Variants in STAG1 observed in about 807,000 individuals in gnomAD.
STAG1 encodes cohesin subunit SA-1.
Under a neutral mutation model 170.9 loss-of-function variants are expected in STAG1, and 26 were observed. The ratio of observed to expected loss-of-function variants is 0.15; its 90% confidence interval spans 0.11 to 0.21. STAG1 has a LOEUF of 0.21. Among genes scored for constraint, STAG1 ranks in the 10% least tolerant of loss-of-function variants. The pLI, the probability that STAG1 is intolerant of heterozygous loss-of-function variation, is 1.00. For missense variants in STAG1, 964 were observed against 1,509.5 expected (o/e 0.64, Z 5.99); for synonymous variants, 514 against 497.7 (o/e 1.03, Z -0.44).
At chr3:136,608,163 G>A (rs1038445031) in intron 3 of STAG1, among the ~76,000 whole-genome samples, 4 of 152,006 alleles carry the variant, frequency 2.6e-5, no homozygotes, top group Non-Finnish European at 5.9e-5. Flanking sequence ...AGGCTGAGTC[G>A]GGAGAATCGC....
In STAG1 at chr3:136,452,271, C is replaced by T. The variant is rs2088965669; in HGVS notation, c.1314-124G>A. ...AAAAAGGGGGAGCAGGGAGAACGAG[C>T]ATCAGAGATCAGGCCAGGTGCAGAG... On this transcript the variant is annotated intron_variant, in intron 13 of 33. Coordinates refer to ENST00000383202, the MANE Select transcript of STAG1 (RefSeq NM_005862.3). 1.4e-5 allele frequency: 9 copies of T among 640,670 alleles called. No individual in the cohort carries two copies. In the South Asian group the frequency reaches 1.4e-4, roughly 10 times the overall value. 39.7% of individuals were successfully genotyped at this position (640,670 alleles called of 1,614,324 possible). A position where few individuals can be genotyped will look rare whatever the true frequency, so the allele number is the denominator to read the frequency against.
intron 9 of STAG1, among the ~76,000 whole-genome samples, chr3:136,492,223 T>G (rs1272182789): frequency 2.0e-5 from 3 of 152,218 alleles, no homozygotes; most frequent in African/African-American, 4.8e-5. Context: ...GGTCACATTC[T>G]CAACTACACT....
At chr3:136,386,434 TTATCATATAAGCTATATTA>T (rs1255235392) in intron 22 of STAG1, among the ~76,000 whole-genome samples, 4 of 152,134 alleles carry the variant, frequency 2.6e-5, no homozygotes, top group Admixed American at 2.6e-4. Flanking sequence ...GATGGTGAAT[TTATCATATAAGCTATATTA>T]GAAAGAAGCT....
At chr3:136,527,375 T>C (rs1488493677) in intron 6 of STAG1, among the ~76,000 whole-genome samples, 2 of 152,234 alleles carry the variant, frequency 1.3e-5, no homozygotes, top group African/African-American at 4.8e-5. Context: ...TTTCTTCCAG[T>C]TGATCGAATC....
chr3:136,485,403 G>T (rs2089987432), intron 9 of STAG1, among the ~76,000 whole-genome samples: 1 of 152,118 alleles, frequency 6.6e-6, no homozygotes, highest in African/African-American at 2.4e-5. Flanking sequence ...GTTGCAGTAA[G>T]CCGAGATCAC....
chr3:136,611,047 C>CACAT (rs1452360097), intron 3 of STAG1, among the ~76,000 whole-genome samples: 1 of 152,114 alleles, frequency 6.6e-6, no homozygotes, highest in Admixed American at 6.6e-5. Context: ...AGAATATTTG[C>CACAT]ACATACATAA....
intron 9 of STAG1, among the ~76,000 whole-genome samples, chr3:136,494,238 T>C (rs945282947): frequency 6.6e-6 from 1 of 152,138 alleles, no homozygotes; most frequent in Non-Finnish European, 1.5e-5. Flanking sequence ...GCCACTGCAC[T>C]CCAGGCAGGG....
chr3:136,412,401 T>C (rs1244403819), intron 21 of STAG1, among the ~76,000 whole-genome samples: 1 of 152,222 alleles, frequency 6.6e-6, no homozygotes, highest in Admixed American at 6.5e-5. Flanking sequence ...GTACTAAAAC[T>C]ATTATGTCAG....
intron 5 of STAG1, among the ~76,000 whole-genome samples, chr3:136,565,021 G>GGCAGGCAGGCAGGCAC (rs1937007602): frequency 1.0e-5 from 1 of 95,714 alleles, no homozygotes; most frequent in African/African-American, 6.7e-5. Context: ...AAGGCAGGCA[G>GGCAGGCAGGCAGGCAC]GCAGGCAGGC....
intron 29 of STAG1, 25 bp from the exon 30 acceptor site, chr3:136,344,031 A>G: frequency 6.5e-7 from 1 of 1,534,710 alleles, no homozygotes. Context: ...TTAAGGTCAC[A>G]CAATGTCGTG....
intron 5 of STAG1, among the ~76,000 whole-genome samples, chr3:136,565,504 A>G (rs1416064513): frequency 1.3e-5 from 2 of 152,364 alleles, no homozygotes; most frequent in Admixed American, 6.5e-5. Flanking sequence ...TAGGATGGCT[A>G]TAATTTTTAA....
At chr3:136,541,567 CACACACACACACACA>C (rs1935907617) in intron 6 of STAG1, among the ~76,000 whole-genome samples, 1 of 151,616 alleles carries the variant, frequency 6.6e-6, no homozygotes, top group African/African-American at 2.4e-5. Context: ...CACACACACA[CACACACACACACACA>C]CACCAGGGGT....
intron 1 of STAG1, among the ~76,000 whole-genome samples, chr3:136,721,929 T>C (rs1425242337): frequency 7.1e-6 from 1 of 141,142 alleles, no homozygotes; most frequent in African/African-American, 2.7e-5. Context: ...AAAAAAAAAA[T>C]TACACTATGG....
chr3:136,478,366 T>C (rs1047482498), intron 9 of STAG1, among the ~76,000 whole-genome samples: 12 of 152,190 alleles, frequency 7.9e-5, no homozygotes, highest in African/African-American at 2.7e-4. Flanking sequence ...ACTTTCCTAC[T>C]ATACAATCTC....
At chr3:136,655,130 C>G (rs1010920912) in intron 1 of STAG1, among the ~76,000 whole-genome samples, 5 of 152,116 alleles carry the variant, frequency 3.3e-5, no homozygotes, top group African/African-American at 1.2e-4. Flanking sequence ...GAAAAACAGG[C>G]AAACTGGACT....
chr3:136,393,208 C>T (rs1314511037), intron 22 of STAG1, among the ~76,000 whole-genome samples: 1 of 152,052 alleles, frequency 6.6e-6, no homozygotes, highest in Admixed American at 6.5e-5. Flanking sequence ...TATAAAAATC[C>T]CAGTATCTAC....
chr3:136,363,942 A>G lies in STAG1; in HGVS notation c.2686-475T>C, dbSNP rs192907869. 1.6e-3 allele frequency among the ~76,000 whole-genome samples: 241 copies of G among 152,088 alleles called. 2 individuals are homozygous for G. Among genetic ancestry groups the G allele is most frequent in the Non-Finnish European group, 2.9e-3 (200 of 67,976 alleles). The stretch of plus-strand genomic sequence containing the variant: ...CTAATTTTTTTAAAAAATATTTTGT[A>G]GAGATGGGGTTTTTGCCATGTTGCC... On this transcript the variant is annotated intron_variant, in intron 25 of 33. Coordinates refer to ENST00000383202, the MANE Select transcript of STAG1 (RefSeq NM_005862.3).
At chr3:136,618,907 C>G (rs1939717207) in intron 3 of STAG1, among the ~76,000 whole-genome samples, 1 of 151,782 alleles carries the variant, frequency 6.6e-6, no homozygotes, top group South Asian at 2.1e-4. Flanking sequence ...CAAAACAATA[C>G]TGAATTTAAA....
chr3:136,479,187 A>T (rs2089853331), intron 9 of STAG1, among the ~76,000 whole-genome samples: 1 of 143,882 alleles, frequency 7.0e-6, no homozygotes, highest in South Asian at 2.3e-4. Context: ...CCAACGTGTC[A>T]TCTAGCATTA....
Sources: allele counts gnomAD v4.1 joint callset (sites outside exome capture counted in the v4.1 genomes callset), GRCh38; gene constraint gnomAD v4.1.1; transcripts MANE v1.5; gene names NCBI Gene and HGNC (gene_info 2026-07-23, HGNC 2026-07-21).